MAP3K5: variants seen among roughly 807,000 people sequenced by gnomAD.
MAP3K5 encodes mitogen-activated protein kinase kinase kinase 5, also known as ASK-1.
A neutral mutation model predicts 158.7 loss-of-function variants in MAP3K5; 56 were observed. The observed-to-expected ratio is 0.35, with a 90% confidence interval of 0.28 to 0.44. The LOEUF (loss-of-function observed/expected upper bound fraction) is 0.44. MAP3K5 is among the 20% of genes least tolerant of loss of function. The pLI, the probability that MAP3K5 is intolerant of heterozygous loss-of-function variation, is 1.00. For synonymous variants in MAP3K5, 579 were observed against 601.7 expected (o/e 0.96, Z 0.55); for missense variants, 1,294 against 1,674.8 (o/e 0.77, Z 3.97).
intron 23 of MAP3K5, among the ~76,000 whole-genome samples, chr6:136,584,225 CT>C (rs1288468538): frequency 6.6e-6 from 1 of 152,152 alleles, no homozygotes; most frequent in Non-Finnish European, 1.5e-5. Context: ...GGATCTCAAC[CT>C]GAAAGTCTGC....
intron 3 of MAP3K5, among the ~76,000 whole-genome samples, chr6:136,704,129 G>A (rs1460163295): frequency 6.6e-6 from 1 of 151,906 alleles, no homozygotes; most frequent in East Asian, 1.9e-4. Flanking sequence ...ATTCTGTAGT[G>A]TGGTCTCAGA....
In MAP3K5 at chr6:136,614,211, G is replaced by A. The variant is rs1435501968; in HGVS notation, c.2226C>T (p.Gly742=). The change falls in exon 16 of 30, where the codon GGC becomes GGT. Residue 742 remains glycine (G), a synonymous_variant. Transcript: ENST00000359015. ...TAATGAAACCATTCTCACTGAAAGA[G>A]CCCAGATACTGGACAATATTTTTGT... ...LKHKNIVQYL[G]SFSENGFIKI... is the part of the protein sequence containing the mutation. The A allele has an allele frequency of 6.2e-7, 1 of 1,613,776 alleles. No individual in the cohort carries two copies. The highest frequency in any genetic ancestry group is 1.7e-5 in the Admixed American group (1 of 60,016).
intron 23 of MAP3K5, among the ~76,000 whole-genome samples, chr6:136,590,732 G>C (rs1775347981): frequency 6.6e-6 from 1 of 151,980 alleles, no homozygotes. Flanking sequence ...AGTAGAGATG[G>C]GGTTTCACCG....
rs1359303888 is a variant in MAP3K5 at position 136,695,873 on chromosome 6, G to A, written c.1082+78C>T. On this transcript the variant is annotated intron_variant, in intron 6 of 29. Transcript: ENST00000359015. ...TAGGGACTTCTTGCAATGCTGCAGT[G>A]AACACATTCTCTGTAAAGAATTGCA... The A allele has an allele frequency of 3.7e-6, 3 of 813,666 alleles. No homozygotes were observed. In the Admixed American group the frequency reaches 6.9e-5, roughly 19 times the overall value. The allele number at this position is 813,666 out of a possible 1,614,324, so 50.4% of individuals were successfully genotyped here.
chr6:136,586,225 C>T (rs1437243004), intron 23 of MAP3K5, among the ~76,000 whole-genome samples: 1 of 152,172 alleles, frequency 6.6e-6, no homozygotes, highest in Non-Finnish European at 1.5e-5. Flanking sequence ...AAAATCATAA[C>T]ATCATGAAAA....
In MAP3K5 at chr6:136,561,643, T is replaced by C. The variant is rs1245035249; in HGVS notation, c.3877A>G (p.Ile1293Val). ...HLKLKSQPIE[I>V]PELPVFHLNS... ...AGATGAAATACAGGCAATTCAGGAA[T>C]TTCTAGAACAGAATTTTGGGAAGAT... The change falls in exon 28 of 30, where the codon ATT (isoleucine) becomes GTT (valine). Residue 1293 changes from isoleucine to valine, a missense_variant and splice_region_variant. Ile to Val is a conservative substitution (Grantham distance 29, BLOSUM62 3). This residue lies in a region of MAP3K5 where 199 missense variants were observed against 220.3 expected (regional missense o/e 0.90). Transcript: ENST00000359015. 5 of 1,577,864 alleles carry C rather than the reference T, an allele frequency of 3.2e-6. No individual in the cohort carries two copies. The highest frequency in any genetic ancestry group is 4.4e-6 in the Non-Finnish European group (5 of 1,147,000).
At chr6:136,665,004 G>C (rs376173464) in intron 8 of MAP3K5, among the ~76,000 whole-genome samples, 21 of 152,126 alleles carry the variant, frequency 1.4e-4, no homozygotes, top group African/African-American at 4.6e-4. Context: ...AAAGTCCTAA[G>C]GGCACATGTC....
chr6:136,619,091 C>A (rs1053714340), intron 15 of MAP3K5, among the ~76,000 whole-genome samples: 1 of 152,142 alleles, frequency 6.6e-6, no homozygotes, highest in Admixed American at 6.5e-5. Context: ...GTGAAAGTCA[C>A]GCACTAAGGA....
intron 2 of MAP3K5, among the ~76,000 whole-genome samples, chr6:136,708,780 TTGGATAATCACAAAG>T (rs779663772): frequency 1.3e-5 from 2 of 152,174 alleles, no homozygotes; most frequent in Non-Finnish European, 1.5e-5. Context: ...CTGAAAAATG[TTGGATAATCACAAAG>T]CCAGGAACAC....
In MAP3K5 at chr6:136,750,856, T is replaced by C. The variant is rs76147036; in HGVS notation, c.449-30267A>G. 5.1e-3 allele frequency among the ~76,000 whole-genome samples: 783 copies of C among 152,304 alleles called. 8 individuals are homozygous for C. Among genetic ancestry groups the C allele is most frequent in the African/African-American group, 0.018 (732 of 41,566 alleles). ...AAGGATCAACTACAAAATGCAAAAA[T>C]TTCCACAAATATTCCTACTTAGTAT... On this transcript the variant is annotated intron_variant, in intron 1 of 29. Transcript: ENST00000359015.
At position 136,792,464 on chromosome 6, in the gene MAP3K5, T is replaced by C. The variant is rs140110518; in HGVS notation, c.-307A>G. The C allele has an allele frequency of 3.5e-3, 2,887 of 823,428 alleles. 71 individuals carry two copies. In the African/African-American group the frequency reaches 0.048, roughly 14 times the overall value. The allele number at this position is 823,428 out of a possible 1,614,324, so 51.0% of individuals were successfully genotyped here. ...ACGGAGCTTCCTTTTCTTGGCCGGC[T>C]GACAAGTCGGCTCGCAAACCTGCGC... is the stretch of plus-strand genomic sequence containing the variant. On this transcript the variant is annotated 5_prime_UTR_variant, in exon 1 of 30. Transcript: ENST00000359015. The surrounding 1 kb of genome is among the most constrained non-coding windows in gnomAD (Gnocchi z 5.7).
intron 1 of MAP3K5, among the ~76,000 whole-genome samples, chr6:136,786,995 A>T (rs1784878927): frequency 6.6e-6 from 1 of 151,992 alleles, no homozygotes; most frequent in South Asian, 2.1e-4. Context: ...ACTGTTTCCC[A>T]TGTAAACGTT....
In MAP3K5 at chr6:136,613,320, T is replaced by A; in HGVS notation, c.2279-64A>T. 7.1e-7 allele frequency: 1 copy of A among 1,417,828 alleles called. No homozygotes were observed. Among genetic ancestry groups the A allele is most frequent in the South Asian group, 1.3e-5 (1 of 77,112 alleles). The allele number at this position is 1,417,828 out of a possible 1,614,324, so 87.8% of individuals were successfully genotyped here. On this transcript the variant is annotated intron_variant, in intron 16 of 29. Transcript: ENST00000359015. The surrounding 1 kb of genome is among the most constrained non-coding windows in gnomAD (Gnocchi z 4.0). ...AAATGAGCTCTTTAAAGTGTATTAA[T>A]AATGTAACAGTAATTTAAGCTAACA...
intron 21 of MAP3K5, among the ~76,000 whole-genome samples, chr6:136,597,788 C>A (rs906530537): frequency 6.6e-6 from 1 of 152,228 alleles, no homozygotes; most frequent in Non-Finnish European, 1.5e-5. Flanking sequence ...ACTAAATAAA[C>A]CATCCTCACA....
chr6:136,771,512 G>A (rs1266995551), intron 1 of MAP3K5, among the ~76,000 whole-genome samples: 1 of 152,096 alleles, frequency 6.6e-6, no homozygotes, highest in Non-Finnish European at 1.5e-5. Flanking sequence ...ATGACCTAGT[G>A]ACCCAAAAGT....
At chr6:136,729,448 C>T (rs551724692) in intron 1 of MAP3K5, among the ~76,000 whole-genome samples, 2 of 152,342 alleles carry the variant, frequency 1.3e-5, no homozygotes, top group South Asian at 2.1e-4. Context: ...GCACAGTAAA[C>T]TCACCATGAA....
At chr6:136,705,018 T>C in intron 3 of MAP3K5, 92 bp downstream of exon 3, 2 of 631,634 alleles carry the variant, frequency 3.2e-6, no homozygotes, top group Non-Finnish European at 5.3e-6. Flanking sequence ...AGATATAAAT[T>C]AATAATTTGT....
intron 7 of MAP3K5, among the ~76,000 whole-genome samples, chr6:136,693,630 T>C (rs1338234039): frequency 2.6e-5 from 4 of 152,126 alleles, no homozygotes; most frequent in Non-Finnish European, 4.4e-5. Flanking sequence ...TTAAATTATC[T>C]TTTCATCTAT....
At chr6:136,785,501 G>A (rs1784805645) in intron 1 of MAP3K5, among the ~76,000 whole-genome samples, 1 of 152,300 alleles carries the variant, frequency 6.6e-6, no homozygotes, top group African/African-American at 2.4e-5. Context: ...TAAGGAAATG[G>A]GAAGCAGGCA....
Sources: allele counts gnomAD v4.1 joint callset (sites outside exome capture counted in the v4.1 genomes callset), GRCh38; gene constraint gnomAD v4.1.1; regional missense constraint gnomAD v4.1.1; non-coding constraint Gnocchi (gnomAD v3.1); transcripts MANE v1.5; gene names NCBI Gene and HGNC (gene_info 2026-07-23, HGNC 2026-07-21).